Variants in TATDN1 observed in about 807,000 individuals in gnomAD.
TATDN1 encodes TatD DNase domain containing 1.
Under a neutral mutation model 46.4 loss-of-function variants are expected in TATDN1, and 40 were observed. That is an observed-to-expected ratio of 0.86 (90% CI 0.67 to 1.12). TATDN1 has a LOEUF of 1.12. TATDN1 is among the 50% of genes most tolerant of loss of function. TATDN1 has a pLI of 0.00. For missense variants in TATDN1, 326 were observed against 348.4 expected, an observed-to-expected ratio of 0.94 and a Z score of 0.51; for synonymous variants, 95 against 105.6, an observed-to-expected ratio of 0.90 and a Z score of 0.62.
At chr8:124,522,832 G>A in intron 2 of TATDN1, 105 bp downstream of exon 2, 2 of 969,150 alleles carry the variant, frequency 2.1e-6, no homozygotes, top group African/African-American at 1.6e-5. Flanking sequence ...TGAGATTACA[G>A]GTGTGAGCCA....
intron 1 of TATDN1, among the ~76,000 whole-genome samples, chr8:124,526,151 A>T (rs1341867758): frequency 6.6e-6 from 1 of 152,228 alleles, no homozygotes; most frequent in Non-Finnish European, 1.5e-5. Flanking sequence ...AGAATCCCTG[A>T]TTAACCATTT....
Position 124,508,585 on chromosome 8 carries a change from A to T in TATDN1, c.475+18T>A, listed in dbSNP as rs768443426. 1.2e-6 allele frequency: 2 copies of T among 1,605,344 alleles called. No homozygotes were observed. The highest frequency in any genetic ancestry group is 1.7e-6 in the Non-Finnish European group (2 of 1,176,352). On this transcript the variant is annotated intron_variant, in intron 7 of 11. Coordinates refer to ENST00000276692, the MANE Select transcript of TATDN1 (RefSeq NM_032026.4). Reference sequence around the variant, plus strand: ...ACAAAATTCTTAAGTTCTGAATGAGACTTTGGTTTTAACTCACCCAAAAAT... The same window carrying T: ...ACAAAATTCTTAAGTTCTGAATGAGTCTTTGGTTTTAACTCACCCAAAAAT...
chr8:124,511,756 C>T (rs937532307), intron 6 of TATDN1, among the ~76,000 whole-genome samples: 11 of 151,990 alleles, frequency 7.2e-5, no homozygotes, highest in Non-Finnish European at 1.5e-4. Flanking sequence ...AAAACAATAG[C>T]TAGCATCTTC....
chr8:124,528,786 G>A (rs961972532), intron 1 of TATDN1, among the ~76,000 whole-genome samples: 6 of 152,320 alleles, frequency 3.9e-5, no homozygotes, highest in African/African-American at 1.2e-4. Flanking sequence ...CTAATGTGCT[G>A]TGGAGACTCT....
intron 1 of TATDN1, among the ~76,000 whole-genome samples, chr8:124,534,443 C>A (rs1821261086): frequency 6.6e-6 from 1 of 152,150 alleles, no homozygotes; most frequent in Non-Finnish European, 1.5e-5. Flanking sequence ...AAACTGCTTT[C>A]TCCTACAGTA....
intron 6 of TATDN1, among the ~76,000 whole-genome samples, chr8:124,512,268 C>CA (rs1819092133): frequency 6.6e-6 from 1 of 152,030 alleles, no homozygotes; most frequent in Admixed American, 6.6e-5. Flanking sequence ...ACTAAAAATA[C>CA]AAAAAAATTA....
chr8:124,494,499 G>GTAT, intron 10 of TATDN1: 1 of 152,076 alleles, frequency 6.6e-6, no homozygotes, highest in East Asian at 1.9e-4. Context: ...TAAAGTCCAT[G>GTAT]GTATAAGGAG....
chr8:124,489,007 G>A, intron 11 of TATDN1: 2 of 316,382 alleles, frequency 6.3e-6, no homozygotes, highest in Non-Finnish European at 1.2e-5. Context: ...TTTCAATTGT[G>A]AGTCATAGCA....
chr8:124,505,035 G>A lies in TATDN1; in HGVS notation c.517-688C>T, dbSNP rs549319131. Among the ~76,000 whole-genome samples the A allele has an allele frequency of 6.6e-5, 10 of 151,198 alleles. No homozygotes were observed. The East Asian group carries it at 2.0e-3, about 30-fold the overall frequency. ...CTCCCAAAATGCTGGGATTACAGAGGTGAGCCACCGCGCCTGGCCGAGGAT... is the reference window on the plus strand; with the variant it reads ...CTCCCAAAATGCTGGGATTACAGAGATGAGCCACCGCGCCTGGCCGAGGAT... On this transcript the variant is annotated intron_variant, in intron 8 of 11. Coordinates refer to ENST00000276692, the MANE Select transcript of TATDN1 (RefSeq NM_032026.4).
chr8:124,516,907 A>G (rs1819521804), intron 4 of TATDN1, among the ~76,000 whole-genome samples: 1 of 152,168 alleles, frequency 6.6e-6, no homozygotes, highest in Non-Finnish European at 1.5e-5. Flanking sequence ...AACCATGGGA[A>G]AGGTATCAAG....
chr8:124,535,175 G>C (rs564447613), intron 1 of TATDN1, among the ~76,000 whole-genome samples: 3 of 152,162 alleles, frequency 2.0e-5, no homozygotes, highest in Non-Finnish European at 4.4e-5. Flanking sequence ...GGAGCCCCCA[G>C]CCATCAGTCA....
chr8:124,525,184 C>T (rs567290068), intron 1 of TATDN1, among the ~76,000 whole-genome samples: 8 of 152,220 alleles, frequency 5.3e-5, no homozygotes, highest in South Asian at 4.2e-4. Flanking sequence ...CTCACCCTAT[C>T]GCCCAGGCTA....
At chr8:124,510,856 C>G (rs549120905) in intron 6 of TATDN1, among the ~76,000 whole-genome samples, 27 of 152,062 alleles carry the variant, frequency 1.8e-4, no homozygotes, top group African/African-American at 6.5e-4. Context: ...AACAGAAGCC[C>G]AAGCAATGGG....
chr8:124,492,432 G>A (rs1817089912), intron 11 of TATDN1, among the ~76,000 whole-genome samples: 1 of 152,126 alleles, frequency 6.6e-6, no homozygotes, highest in Non-Finnish European at 1.5e-5. Context: ...CTGTAAGCTG[G>A]CTGCTGTCAA....
intron 11 of TATDN1, among the ~76,000 whole-genome samples, chr8:124,492,014 T>G (rs7005392): frequency 0.54 from 81,126 of 149,408 alleles, 23,164 homozygotes; most frequent in African/African-American, 0.72. Context: ...CACTTTTGTC[T>G]TCCAGGCTAG....
chr8:124,508,121 C>A (rs1280353429), intron 8 of TATDN1, among the ~76,000 whole-genome samples: 1 of 152,158 alleles, frequency 6.6e-6, no homozygotes, highest in Non-Finnish European at 1.5e-5. Context: ...TGTTAAGTAT[C>A]CCTTATCCCA....
At chr8:124,538,672 C>CAG (rs1821716051) in intron 1 of TATDN1, among the ~76,000 whole-genome samples, 1 of 152,178 alleles carries the variant, frequency 6.6e-6, no homozygotes, top group Non-Finnish European at 1.5e-5. Flanking sequence ...TCCGCCAAGG[C>CAG]AGAGGGGAAG....
At chr8:124,528,206 C>G (rs1034084608) in intron 1 of TATDN1, among the ~76,000 whole-genome samples, 2 of 151,942 alleles carry the variant, frequency 1.3e-5, no homozygotes, top group African/African-American at 4.8e-5. Flanking sequence ...TGGAGTCTCG[C>G]TCTGTCACCC....
At chr8:124,504,011 A>G in intron 9 of TATDN1, 2 of 1,156,406 alleles carry the variant, frequency 1.7e-6, no homozygotes, top group South Asian at 2.8e-5. Flanking sequence ...TTACCAGAGA[A>G]AGCCAGCTGC....
Sources: gnomAD v4.1 joint callset for allele counts (sites outside exome capture counted in the v4.1 genomes callset) on GRCh38, gnomAD v4.1.1 for gene constraint, MANE v1.5 for transcripts, NCBI Gene and HGNC (gene_info 2026-07-23, HGNC 2026-07-21) for gene names.